The following STK3 variants were observed in gnomAD, a reference collection of about 807,000 sequenced individuals.
The protein encoded by STK3 is serine/threonine-protein kinase 3.
Under a neutral mutation model 58.0 loss-of-function variants are expected in STK3, and 41 were observed. That is an observed-to-expected ratio of 0.71 (90% CI 0.55 to 0.92). The LOEUF is 0.92. Among genes scored for constraint, STK3 ranks in the 40% least tolerant of loss-of-function variants. STK3 has a pLI of 0.00. For synonymous variants in STK3, 170 were observed against 191.0 expected (o/e 0.89, Z 0.91); for missense variants, 479 against 602.7 (o/e 0.79, Z 2.15).
chr8:98,746,646 T>C (rs924474124), intron 4 of STK3, among the ~76,000 whole-genome samples: 2 of 152,066 alleles, frequency 1.3e-5, no homozygotes, highest in African/African-American at 4.8e-5. Context: ...ATAAATTATG[T>C]TCTTGGATAT....
At chr8:98,702,875 G>A (rs1288925978) in intron 6 of STK3, among the ~76,000 whole-genome samples, 1 of 152,106 alleles carries the variant, frequency 6.6e-6, no homozygotes, top group Non-Finnish European at 1.5e-5. Flanking sequence ...CTCTAACTTT[G>A]TTCTAGATAG....
intron 3 of STK3, among the ~76,000 whole-genome samples, chr8:98,406,041 C>A (rs1467295394): frequency 6.6e-6 from 1 of 152,096 alleles, no homozygotes; most frequent in Admixed American, 6.6e-5. Context: ...CTCTTTTTAA[C>A]CATCTGAATT....
At chr8:98,532,121 G>A (rs966577771) in intron 9 of STK3, among the ~76,000 whole-genome samples, 1 of 152,146 alleles carries the variant, frequency 6.6e-6, no homozygotes, top group Non-Finnish European at 1.5e-5. Flanking sequence ...TGGCTGTTTG[G>A]TGCAAGAGGC....
rs1822918377 is a variant in STK3 at position 98,494,013 on chromosome 8, T to C, written c.1317+32729A>G. 2.0e-5 allele frequency among the ~76,000 whole-genome samples: 3 copies of C among 152,364 alleles called. No homozygotes were observed. In the South Asian group the frequency reaches 6.2e-4, roughly 32 times the overall value. ...TTTTGTTCATTTCTCATTTGGACTATGTCATATTGCAACAATCCCCTTAAT... is the reference window on the plus strand; with the variant it reads ...TTTTGTTCATTTCTCATTTGGACTACGTCATATTGCAACAATCCCCTTAAT... On this transcript the variant is annotated intron_variant, in intron 10 of 10. Coordinates refer to ENST00000419617, the MANE Select transcript of STK3 (RefSeq NM_006281.4).
At chr8:98,903,167 T>C (rs2131957019) in intron 1 of STK3, among the ~76,000 whole-genome samples, 2 of 152,362 alleles carry the variant, frequency 1.3e-5, no homozygotes, top group African/African-American at 4.8e-5. Context: ...TACAATTTCA[T>C]TATAGCACAG....
intron 6 of STK3, chr8:98,601,497 C>A (rs1816343076): frequency 6.6e-6 from 1 of 152,128 alleles, no homozygotes; most frequent in Non-Finnish European, 1.5e-5. Context: ...ATGATCAGTT[C>A]AACTGACTTT....
rs183430553 is a variant in STK3 at position 98,582,252 on chromosome 8, G to A, written c.823-2463C>T. Among the ~76,000 whole-genome samples, 148 of 152,064 alleles carry A rather than the reference G, an allele frequency of 9.7e-4. 1 individual carries two copies. The highest frequency in any genetic ancestry group is 1.6e-3 in the Non-Finnish European group (110 of 67,958). On this transcript the variant is annotated intron_variant, in intron 7 of 10. Coordinates refer to ENST00000419617, the MANE Select transcript of STK3 (RefSeq NM_006281.4). ...AATAGGAAAACTTTACTGCCTATTA[G>A]AATCTGGTACATTCATCTTTTTCTT...
intron 3 of STK3, among the ~76,000 whole-genome samples, chr8:98,835,181 A>G (rs144468546): frequency 5.3e-5 from 8 of 152,266 alleles, no homozygotes; most frequent in East Asian, 1.9e-4. Context: ...CATAGCTCAG[A>G]CTACTCTGAG....
intron 8 of STK3, among the ~76,000 whole-genome samples, chr8:98,570,916 G>C (rs75697678): frequency 6.6e-6 from 1 of 152,184 alleles, no homozygotes; most frequent in African/African-American, 2.4e-5. Flanking sequence ...CAGATAGTAT[G>C]ATCTATTTTT....
intron 6 of STK3, among the ~76,000 whole-genome samples, chr8:98,637,505 A>T (rs1284033941): frequency 6.6e-6 from 1 of 152,200 alleles, no homozygotes; most frequent in African/African-American, 2.4e-5. Context: ...ATTTTGGCTA[A>T]CACCAACCAT....
intron 9 of STK3, among the ~76,000 whole-genome samples, chr8:98,529,574 G>A (rs1448664481): frequency 6.6e-6 from 1 of 151,994 alleles, no homozygotes; most frequent in East Asian, 1.9e-4. Flanking sequence ...CTTACTTCTG[G>A]GTATATATCC....
Position 98,819,026 on chromosome 8 carries a change from T to G in STK3, c.26+6489A>C, listed in dbSNP as rs189005898. ...GTTTAGTAGAGACAGGGTTTCACCA[T>G]GTTAGCCAGGATGGTCTCGATCTCC... On this transcript the variant is annotated intron_variant, in intron 1 of 10. Coordinates refer to ENST00000419617, the MANE Select transcript of STK3 (RefSeq NM_006281.4). Among the ~76,000 whole-genome samples, 1,321 of 152,290 alleles carry G rather than the reference T, an allele frequency of 8.7e-3. 11 individuals are homozygous for G. Among genetic ancestry groups the G allele is most frequent in the African/African-American group, 0.03 (1,244 of 41,552 alleles).
chr8:98,669,368 T>C (rs967966954), intron 6 of STK3, among the ~76,000 whole-genome samples: 4 of 152,140 alleles, frequency 2.6e-5, no homozygotes, highest in Admixed American at 6.5e-5. Flanking sequence ...CTAGTGGGTA[T>C]TGTTCTAGAA....
At chr8:98,749,223 T>C in intron 4 of STK3, 53 bp downstream of exon 4, 5 of 1,357,258 alleles carry the variant, frequency 3.7e-6, no homozygotes, top group Non-Finnish European at 5.2e-6. Context: ...AGTCAGATTC[T>C]AAAATATCAA....
At chr8:98,630,412 C>T (rs150920864) in intron 6 of STK3, among the ~76,000 whole-genome samples, 1 of 152,046 alleles carries the variant, frequency 6.6e-6, no homozygotes, top group African/African-American at 2.4e-5. Context: ...GAGGCTAAGG[C>T]GAGAGGACTG....
intron 1 of STK3, among the ~76,000 whole-genome samples, chr8:98,930,591 T>C (rs949666344): frequency 2.0e-5 from 3 of 152,104 alleles, no homozygotes; most frequent in African/African-American, 7.2e-5. Context: ...GCAAGCAAAA[T>C]TGTAGAATTA....
intron 5 of STK3, 78 bp downstream of exon 5, chr8:98,707,069 A>G: frequency 6.9e-7 from 1 of 1,444,538 alleles, no homozygotes. Context: ...TTCCCCCTCA[A>G]AAAGTAATTG....
chr8:98,702,335 T>C (rs1228364911), intron 6 of STK3, among the ~76,000 whole-genome samples: 1 of 152,200 alleles, frequency 6.6e-6, no homozygotes, highest in African/African-American at 2.4e-5. Flanking sequence ...GAAAGACCCA[T>C]TCTCAAATAA....
intron 10 of STK3, among the ~76,000 whole-genome samples, chr8:98,473,854 C>T (rs1821107752): frequency 1.3e-5 from 2 of 152,148 alleles, no homozygotes; most frequent in African/African-American, 4.8e-5. Flanking sequence ...ACTATATACT[C>T]CATTTCCTAG....
Sources: allele counts gnomAD v4.1 joint callset (sites outside exome capture counted in the v4.1 genomes callset), GRCh38; gene constraint gnomAD v4.1.1; transcripts MANE v1.5; gene names NCBI Gene and HGNC (gene_info 2026-07-23, HGNC 2026-07-21).